SDK1: variants seen among roughly 807,000 people sequenced by gnomAD.
The protein encoded by SDK1 is protein sidekick-1.
Under a neutral mutation model 245.5 loss-of-function variants are expected in SDK1, and 157 were observed. The observed-to-expected ratio is 0.64, with a 90% CI of 0.56 to 0.73. SDK1 has a LOEUF of 0.73. Ranked by LOEUF, SDK1 falls within the 30% of genes least tolerant of loss-of-function variation. The pLI, the probability that SDK1 is intolerant of heterozygous loss-of-function variation, is 0.00. For synonymous variants in SDK1, 1,647 were observed against 1,278.5 expected, an observed-to-expected ratio of 1.29 and a Z score of -6.15; for missense variants, 3,583 against 3,002.3, an observed-to-expected ratio of 1.19 and a Z score of -4.52.
At chr7:3,688,624 C>T (rs1784356366) in intron 4 of SDK1, among the ~76,000 whole-genome samples, 1 of 152,226 alleles carries the variant, frequency 6.6e-6, no homozygotes, top group Non-Finnish European at 1.5e-5. Flanking sequence ...TCTAGAAAGT[C>T]ACTTAGCTTT....
chr7:3,974,605 G>T, intron 13 of SDK1, 60 bp downstream of exon 13: 1 of 1,512,378 alleles, frequency 6.6e-7, no homozygotes, highest in Non-Finnish European at 9.1e-7. Context: ...CTGTGCCCCT[G>T]TTAGTGACTG....
intron 5 of SDK1, among the ~76,000 whole-genome samples, chr7:3,929,837 A>T (rs1321411384): frequency 6.6e-6 from 1 of 152,128 alleles, no homozygotes; most frequent in African/African-American, 2.4e-5. Flanking sequence ...GTAATTTATA[A>T]GGAAGCTGGC....
chr7:4,121,882 G>C (rs1158666282), intron 25 of SDK1, among the ~76,000 whole-genome samples: 1 of 152,278 alleles, frequency 6.6e-6, no homozygotes, highest in East Asian at 1.9e-4. Context: ...TTAGAAACTG[G>C]TGCAACACAT....
At chr7:3,848,783 T>C (rs1455779074) in intron 5 of SDK1, among the ~76,000 whole-genome samples, 1 of 151,954 alleles carries the variant, frequency 6.6e-6, no homozygotes, top group Non-Finnish European at 1.5e-5. Context: ...GCAATTCTCC[T>C]GCCTCAGCTT....
intron 35 of SDK1, among the ~76,000 whole-genome samples, chr7:4,193,132 A>T (rs1000433205): frequency 7.5e-6 from 1 of 133,302 alleles, no homozygotes; most frequent in African/African-American, 2.8e-5. Context: ...TATAATATAT[A>T]AATATATTAA....
intron 14 of SDK1, among the ~76,000 whole-genome samples, chr7:3,987,976 A>G (rs982863053): frequency 2.6e-5 from 4 of 151,788 alleles, no homozygotes; most frequent in African/African-American, 4.8e-5. Flanking sequence ...CACTCCTGTG[A>G]TTTTAAGTGG....
At chr7:3,874,604 C>T (rs553443718) in intron 5 of SDK1, among the ~76,000 whole-genome samples, 4 of 152,174 alleles carry the variant, frequency 2.6e-5, no homozygotes, top group Admixed American at 6.5e-5. Context: ...TCTCCACCCC[C>T]GTTCCCCTGC....
chr7:3,939,910 T>G (rs1191367883), intron 5 of SDK1, among the ~76,000 whole-genome samples: 2 of 152,310 alleles, frequency 1.3e-5, no homozygotes, highest in South Asian at 2.1e-4. Flanking sequence ...AGCAAAAAAC[T>G]TACCTGATTT....
intron 4 of SDK1, among the ~76,000 whole-genome samples, chr7:3,692,288 C>T (rs1784458544): frequency 6.6e-6 from 1 of 152,048 alleles, no homozygotes; most frequent in South Asian, 2.1e-4. Context: ...AGATATCCCA[C>T]CAGCCCAAAA....
At chr7:3,385,356 C>T (rs1470473928) in intron 1 of SDK1, among the ~76,000 whole-genome samples, 1 of 151,956 alleles carries the variant, frequency 6.6e-6, no homozygotes, top group Admixed American at 6.6e-5. Flanking sequence ...CTTAACATTT[C>T]CATTTCATAT....
chr7:3,456,998 C>T (rs192458656), intron 1 of SDK1, among the ~76,000 whole-genome samples: 3 of 152,118 alleles, frequency 2.0e-5, no homozygotes, highest in African/African-American at 7.2e-5. Context: ...GCAGGTGCCT[C>T]TCAAGGGTGC....
At chr7:3,354,181 G>C (rs1157837378) in intron 1 of SDK1, among the ~76,000 whole-genome samples, 1 of 151,852 alleles carries the variant, frequency 6.6e-6, no homozygotes, top group African/African-American at 2.4e-5. Flanking sequence ...TGTATTTTTA[G>C]TAGTGATGGG....
intron 3 of SDK1, among the ~76,000 whole-genome samples, chr7:3,639,727 C>G (rs1005250549): frequency 2.0e-5 from 3 of 151,948 alleles, no homozygotes; most frequent in African/African-American, 7.3e-5. Context: ...AGTATTTAGT[C>G]CTTTTTCTAA....
intron 14 of SDK1, among the ~76,000 whole-genome samples, chr7:3,995,757 C>T (rs911285650): frequency 5.3e-5 from 8 of 151,778 alleles, no homozygotes; most frequent in African/African-American, 1.7e-4. Context: ...TGGCTTTGAG[C>T]ACTTTCTCTG....
chr7:4,167,435 A>AAC (rs1781566439), intron 32 of SDK1, among the ~76,000 whole-genome samples: 5 of 152,154 alleles, frequency 3.3e-5, no homozygotes, highest in African/African-American at 1.2e-4. Flanking sequence ...CAACAAAAAA[A>AAC]CGGGCTTTTG....
intron 1 of SDK1, among the ~76,000 whole-genome samples, chr7:3,463,543 T>TAGTGCCAGCGCATGGGA (rs58819293): frequency 6.6e-6 from 1 of 152,062 alleles, no homozygotes; most frequent in Non-Finnish European, 1.5e-5. Context: ...GTGCATAATT[T>TAGTGCCAGCGCATGGGA]AGTGCCAGTA....
At chr7:3,581,612 G>T (rs1321987686) in intron 1 of SDK1, among the ~76,000 whole-genome samples, 1 of 152,166 alleles carries the variant, frequency 6.6e-6, no homozygotes, top group South Asian at 2.1e-4. Flanking sequence ...GCTAAAAACA[G>T]AACTACCATT....
At chr7:3,702,683 C>A (rs1051953729) in intron 4 of SDK1, among the ~76,000 whole-genome samples, 2 of 152,142 alleles carry the variant, frequency 1.3e-5, no homozygotes, top group African/African-American at 2.4e-5. Flanking sequence ...CTTGGCTGTT[C>A]CCCATGTTGG....
chr7:3,836,363 T>C (rs928011656), intron 5 of SDK1, among the ~76,000 whole-genome samples: 9 of 152,066 alleles, frequency 5.9e-5, no homozygotes, highest in Non-Finnish European at 1.2e-4. Flanking sequence ...AATGTACGAG[T>C]GAGTAAAAAG....
Sources: gnomAD v4.1 joint callset for allele counts (sites outside exome capture counted in the v4.1 genomes callset) on GRCh38, gnomAD v4.1.1 for gene constraint, MANE v1.5 for transcripts, NCBI Gene and HGNC (gene_info 2026-07-23, HGNC 2026-07-21) for gene names.